Variants in TMEFF2 observed in about 807,000 individuals in gnomAD.
TMEFF2 encodes the protein transmembrane protein with EGF like and two follistatin like domains 2.
TMEFF2 carries 28 observed loss-of-function variants against 53.8 expected under a neutral mutation model. The observed-to-expected ratio is 0.52, with a 90% CI of 0.39 to 0.71. TMEFF2 has a LOEUF of 0.71. Among genes scored for constraint, TMEFF2 ranks in the 30% least tolerant of loss-of-function variants. The probability of loss-of-function intolerance (pLI) is 0.00; values close to 1 mark genes in which losing one functional copy is unlikely to be tolerated. For synonymous variants in TMEFF2, 162 were observed against 166.3 expected, an observed-to-expected ratio of 0.97 and a Z score of 0.20; for missense variants, 353 against 455.2, an observed-to-expected ratio of 0.78 and a Z score of 2.04.
At chr2:192,181,233 A>G (rs948806756) in intron 3 of TMEFF2, among the ~76,000 whole-genome samples, 1 of 151,790 alleles carries the variant, frequency 6.6e-6, no homozygotes, top group Non-Finnish European at 1.5e-5. Flanking sequence ...TTCACAGACA[A>G]AAATTTTAAT....
intron 9 of TMEFF2, 76 bp downstream of exon 9, chr2:191,953,603 C>G: frequency 6.5e-7 from 1 of 1,538,978 alleles, no homozygotes; most frequent in Non-Finnish European, 8.8e-7. Flanking sequence ...AGGAACTCAC[C>G]TCGGAGGGAT....
chr2:191,960,817 G>A (rs1692249650), intron 7 of TMEFF2, among the ~76,000 whole-genome samples: 1 of 152,190 alleles, frequency 6.6e-6, no homozygotes, highest in African/African-American at 2.4e-5. Flanking sequence ...TTCAGTAGGA[G>A]AATGAGTGAG....
At chr2:192,059,267 T>TAA (rs201413983) in intron 4 of TMEFF2, among the ~76,000 whole-genome samples, 4 of 141,542 alleles carry the variant, frequency 2.8e-5, no homozygotes, top group East Asian at 4.0e-4. Context: ...TTGGATGTCT[T>TAA]AAAAAAAAAA....
intron 4 of TMEFF2, among the ~76,000 whole-genome samples, chr2:192,154,805 T>A (rs1005677797): frequency 1.3e-5 from 2 of 151,928 alleles, no homozygotes; most frequent in Non-Finnish European, 2.9e-5. Context: ...ACCACCATCT[T>A]CATGCAGCTG....
At chr2:191,953,045 A>G (rs992798488) in intron 9 of TMEFF2, among the ~76,000 whole-genome samples, 8 of 152,202 alleles carry the variant, frequency 5.3e-5, no homozygotes, top group African/African-American at 1.7e-4. Context: ...CTTGGTTACC[A>G]CTGGTTTGCA....
At chr2:191,953,920 C>T (rs6753104) in intron 8 of TMEFF2, 83 bp from the exon 9 acceptor site, 187,574 of 1,006,606 alleles carry the variant, frequency 0.19, 19,468 homozygotes, top group African/African-American at 0.28. Flanking sequence ...GACGGAGTCT[C>T]GCTCTGTCGC....
intron 5 of TMEFF2, among the ~76,000 whole-genome samples, chr2:192,015,506 G>C (rs1168383955): frequency 6.6e-6 from 1 of 151,882 alleles, no homozygotes; most frequent in East Asian, 1.9e-4. Context: ...AAAGGCTAAA[G>C]AATGATTATC....
At chr2:192,001,205 T>C (rs961720767) in intron 5 of TMEFF2, among the ~76,000 whole-genome samples, 3 of 152,168 alleles carry the variant, frequency 2.0e-5, no homozygotes, top group Admixed American at 6.5e-5. Context: ...TTCAAGGTCT[T>C]CTATAAAGTT....
At chr2:192,112,665 CA>C (rs1187433409) in intron 4 of TMEFF2, among the ~76,000 whole-genome samples, 3 of 151,988 alleles carry the variant, frequency 2.0e-5, no homozygotes, top group African/African-American at 7.3e-5. Context: ...TGGGAGGGTC[CA>C]GGGGTGGAAT....
chr2:192,085,187 C>G lies in TMEFF2; in HGVS notation c.440-27412G>C, dbSNP rs542184822. Among the ~76,000 whole-genome samples the G allele has an allele frequency of 2.0e-5, 3 of 152,110 alleles. No homozygotes were observed. In the South Asian group the frequency reaches 6.2e-4, roughly 32 times the overall value. On this transcript the variant is annotated intron_variant, in intron 4 of 9. Coordinates refer to ENST00000272771, the MANE Select transcript of TMEFF2 (RefSeq NM_016192.4). ...ATTTACATGATGTTAATACTGAGAC[C>G]TGGAGATGGTATGGTATAATGCTCA... is the stretch of plus-strand genomic sequence containing the variant.
intron 7 of TMEFF2, among the ~76,000 whole-genome samples, chr2:191,968,566 C>T (rs1350502772): frequency 6.6e-6 from 1 of 152,126 alleles, no homozygotes; most frequent in Non-Finnish European, 1.5e-5. Context: ...GAGGGGAGCT[C>T]TGTTGATGCC....
intron 5 of TMEFF2, among the ~76,000 whole-genome samples, chr2:192,049,966 A>C (rs1246135302): frequency 6.6e-6 from 1 of 152,164 alleles, no homozygotes; most frequent in Non-Finnish European, 1.5e-5. Context: ...GCGCCACTGC[A>C]CTCCAGCCTG....
chr2:192,139,584 T>G (rs896318599), intron 4 of TMEFF2, among the ~76,000 whole-genome samples: 3 of 152,090 alleles, frequency 2.0e-5, no homozygotes, highest in African/African-American at 7.2e-5. Flanking sequence ...AATGACCAAT[T>G]TTCAAAAATG....
intron 4 of TMEFF2, among the ~76,000 whole-genome samples, chr2:192,146,024 T>C (rs1010634332): frequency 6.6e-6 from 1 of 151,958 alleles, no homozygotes; most frequent in African/African-American, 2.4e-5. Context: ...GCACGTTTAC[T>C]CCTGTGTTTA....
chr2:192,093,283 T>C (rs1356370432), intron 4 of TMEFF2, among the ~76,000 whole-genome samples: 2 of 152,170 alleles, frequency 1.3e-5, no homozygotes, highest in Admixed American at 6.6e-5. Context: ...AACAAGGAGA[T>C]AGTGATGTTT....
intron 5 of TMEFF2, among the ~76,000 whole-genome samples, chr2:192,040,108 A>C (rs1019562468): frequency 6.6e-6 from 1 of 152,126 alleles, no homozygotes; most frequent in Non-Finnish European, 1.5e-5. Context: ...TGTACACAGT[A>C]TACATTTTTG....
chr2:192,012,495 A>G (rs1311306340), intron 5 of TMEFF2, among the ~76,000 whole-genome samples: 1 of 152,152 alleles, frequency 6.6e-6, no homozygotes, highest in East Asian at 1.9e-4. Context: ...TGGGCCAACA[A>G]ACCATGCAGG....
chr2:192,166,982 G>A (rs1690783930), intron 4 of TMEFF2, among the ~76,000 whole-genome samples: 1 of 152,058 alleles, frequency 6.6e-6, no homozygotes, highest in Non-Finnish European at 1.5e-5. Context: ...ACTGGCACTG[G>A]TTGGTCACCT....
At chr2:192,057,886 A>G (rs1217544595) in intron 4 of TMEFF2, 111 bp from the exon 5 acceptor site, 2 of 812,608 alleles carry the variant, frequency 2.5e-6, no homozygotes, top group Non-Finnish European at 4.2e-6. Context: ...CCTGTCTGCT[A>G]TTGAAGCTTC....
Sources: allele counts gnomAD v4.1 joint callset (sites outside exome capture counted in the v4.1 genomes callset), GRCh38; gene constraint gnomAD v4.1.1; transcripts MANE v1.5; gene names NCBI Gene and HGNC (gene_info 2026-07-23, HGNC 2026-07-21).